Variants in BCL7B observed in about 807,000 individuals in gnomAD.
The protein encoded by BCL7B is BAF chromatin remodeling complex subunit BCL7B, also known as B-cell CLL/lymphoma 7 protein family member B.
In BCL7B, 11 loss-of-function variants were observed where a neutral mutation model predicts 26.5. That is an observed-to-expected ratio of 0.42 (90% CI 0.26 to 0.69). The LOEUF (loss-of-function observed/expected upper bound fraction) is 0.69, where lower values mean the gene tolerates loss of function less well. BCL7B is among the 30% of genes least tolerant of loss of function. The pLI, the probability that BCL7B is intolerant of heterozygous loss-of-function variation, is 0.28. For synonymous variants in BCL7B, 111 were observed against 107.9 expected, an observed-to-expected ratio of 1.03 and a Z score of -0.18; for missense variants, 215 against 264.4, an observed-to-expected ratio of 0.81 and a Z score of 1.30.
chr7:73,557,188 G>T (rs1203565285), intron 1 of BCL7B: 3 of 1,032,084 alleles, frequency 2.9e-6, no homozygotes, highest in Non-Finnish European at 3.5e-6. Context: ...GCTGGGCCGG[G>T]CGCGGGCACC....
intron 5 of BCL7B, 144 bp downstream of exon 5, chr7:73,537,789 GA>G: frequency 1.4e-5 from 8 of 566,636 alleles, no homozygotes; most frequent in South Asian, 1.4e-4. Flanking sequence ...TCAGGAGGCT[GA>G]AACAGGAGAA....
intron 2 of BCL7B, among the ~76,000 whole-genome samples, chr7:73,547,361 G>A (rs1554583577): frequency 1.3e-5 from 2 of 152,154 alleles, no homozygotes; most frequent in African/African-American, 2.4e-5. Flanking sequence ...TACTTGGGAG[G>A]TGGAGACATA....
intron 2 of BCL7B, among the ~76,000 whole-genome samples, chr7:73,547,706 T>G (rs1554583608): frequency 6.6e-6 from 1 of 152,176 alleles, no homozygotes; most frequent in African/African-American, 2.4e-5. Context: ...ATTTTCAACA[T>G]GAAAGTGAAA....
chr7:73,537,011 C>G lies in BCL7B; in HGVS notation c.*287G>C, dbSNP rs1329231355. ...CCGTCCAGAGATTCTGGAGCAGAGACTGCTGCCTGGAGGTCACAGATGAAT... is the reference window on the plus strand; with the variant it reads ...CCGTCCAGAGATTCTGGAGCAGAGAGTGCTGCCTGGAGGTCACAGATGAAT... On this transcript the variant is annotated 3_prime_UTR_variant, in exon 6 of 6. Coordinates refer to ENST00000223368, the MANE Select transcript of BCL7B (RefSeq NM_001707.4). 3.0e-6 allele frequency: 1 copy of G among 332,986 alleles called. No individual in the cohort carries two copies. Among genetic ancestry groups the G allele is most frequent in the African/African-American group, 2.1e-5 (1 of 48,314 alleles). The allele number at this position is 332,986 out of a possible 1,614,324, so 20.6% of individuals were successfully genotyped here. A position where few individuals can be genotyped will look rare whatever the true frequency, so the allele number is the denominator to read the frequency against.
At chr7:73,542,620 A>C (rs1791807693) in intron 3 of BCL7B, among the ~76,000 whole-genome samples, 1 of 152,180 alleles carries the variant, frequency 6.6e-6, no homozygotes, top group Non-Finnish European at 1.5e-5. Context: ...AAAAATGAGA[A>C]AGTAAAGTAA....
intron 4 of BCL7B, chr7:73,539,582 A>G (rs2115737824): frequency 6.2e-6 from 2 of 324,458 alleles, no homozygotes; most frequent in Admixed American, 8.0e-5. Context: ...TTGAATGTCC[A>G]TTTTCCTCAT....
rs1251197142 is a variant in BCL7B at position 73,539,874 on chromosome 7, C to T, written c.436+8G>A. ...TAGGAAACTCATCCTCGGCCAACCA[C>T]GACTCACCCTCCAGGATCTCCTGGC... is the stretch of plus-strand genomic sequence containing the variant. On this transcript the variant is annotated splice_region_variant and intron_variant, in intron 4 of 5. Transcript: ENST00000223368. The T allele has an allele frequency of 4.3e-6, 7 of 1,611,072 alleles. No homozygotes were observed. Among genetic ancestry groups the T allele is most frequent in the East Asian group, 2.2e-5 (1 of 44,850 alleles).
chr7:73,547,460 C>CA (rs1465641259), intron 2 of BCL7B, among the ~76,000 whole-genome samples: 57 of 148,758 alleles, frequency 3.8e-4, no homozygotes, highest in African/African-American at 1.2e-3. Context: ...GAGACAGTCT[C>CA]AAAAAAAAAG....
intron 2 of BCL7B, among the ~76,000 whole-genome samples, chr7:73,549,342 G>T (rs1470640556): frequency 1.3e-5 from 2 of 152,204 alleles, no homozygotes; most frequent in African/African-American, 4.8e-5. Flanking sequence ...AAAGAAACAA[G>T]ACACACGAAA....
intron 1 of BCL7B, 111 bp from the exon 2 acceptor site, chr7:73,552,353 T>G: frequency 1.1e-6 from 1 of 892,740 alleles, no homozygotes; most frequent in Non-Finnish European, 1.8e-6. Context: ...GGAATCCTTC[T>G]GAACTTCCTC....
chr7:73,541,528 T>C (rs561263967), intron 3 of BCL7B, among the ~76,000 whole-genome samples: 370 of 149,906 alleles, frequency 2.5e-3, no homozygotes, highest in Non-Finnish European at 4.0e-3. Flanking sequence ...AGTGCAATGG[T>C]GCTATCTCAG....
chr7:73,541,524 A>G (rs1791771918), intron 3 of BCL7B, among the ~76,000 whole-genome samples: 1 of 150,364 alleles, frequency 6.7e-6, no homozygotes, highest in Admixed American at 6.6e-5. Context: ...CTGGAGTGCA[A>G]TGGTGCTATC....
intron 3 of BCL7B, among the ~76,000 whole-genome samples, chr7:73,542,034 G>A (rs1446956584): frequency 5.9e-5 from 9 of 152,144 alleles, no homozygotes; most frequent in African/African-American, 1.9e-4. Context: ...TCCCTGGCTC[G>A]CATAGGTGGA....
At chr7:73,542,269 T>C (rs1791797218) in intron 3 of BCL7B, among the ~76,000 whole-genome samples, 1 of 152,220 alleles carries the variant, frequency 6.6e-6, no homozygotes, top group Non-Finnish European at 1.5e-5. Context: ...GAGCCTCATA[T>C]GTCTCCCAGA....
chr7:73,543,969 G>T, intron 2 of BCL7B: 1 of 186,834 alleles, frequency 5.4e-6, no homozygotes, highest in Non-Finnish European at 1.1e-5. Flanking sequence ...TATACGAATG[G>T]GCAAGAAATA....
At chr7:73,552,997 C>T (rs1396897849) in intron 1 of BCL7B, among the ~76,000 whole-genome samples, 6 of 152,068 alleles carry the variant, frequency 3.9e-5, no homozygotes, top group African/African-American at 1.4e-4. Context: ...TCATAACTCA[C>T]TGCAGCCTTG....
At chr7:73,548,414 T>C (rs1792035910) in intron 2 of BCL7B, among the ~76,000 whole-genome samples, 1 of 151,576 alleles carries the variant, frequency 6.6e-6, no homozygotes, top group Non-Finnish European at 1.5e-5. Flanking sequence ...AGCAACAGAG[T>C]GAGACTCTGT....
In BCL7B at chr7:73,545,052, C is replaced by CA. The variant is rs371425790; in HGVS notation, c.169-1409dup. Among the ~76,000 whole-genome samples the CA allele has an allele frequency of 9.2e-3, 1,190 of 129,458 alleles. 15 individuals are homozygous for CA. Among genetic ancestry groups the CA allele is most frequent in the African/African-American group, 0.026 (915 of 35,024 alleles). 84.9% of individuals were successfully genotyped at this position (129,458 alleles called of 152,430 possible). On this transcript the variant is annotated intron_variant, in intron 2 of 5. Coordinates refer to ENST00000223368, the MANE Select transcript of BCL7B (RefSeq NM_001707.4). ...TGGGCAACACAGTTAGACCCTAACT[C>CA]AAAAAAAAAAAAGCCCAGAGTAAAT...
intron 2 of BCL7B, among the ~76,000 whole-genome samples, chr7:73,544,553 G>C (rs1476743939): frequency 2.0e-5 from 3 of 152,266 alleles, no homozygotes; most frequent in South Asian, 2.1e-4. Flanking sequence ...TTGAACCTGG[G>C]GGGTGGAAGT....
Sources: allele counts gnomAD v4.1 joint callset (sites outside exome capture counted in the v4.1 genomes callset), GRCh38; gene constraint gnomAD v4.1.1; transcripts MANE v1.5; gene names NCBI Gene and HGNC (gene_info 2026-07-23, HGNC 2026-07-21).